The following RNGTT variants were observed in gnomAD, a reference collection of about 807,000 sequenced individuals.
RNGTT encodes the protein mRNA-capping enzyme.
A neutral mutation model predicts 79.3 loss-of-function variants in RNGTT; 33 were observed. The observed-to-expected ratio is 0.42, with a 90% CI of 0.32 to 0.56. The LOEUF (loss-of-function observed/expected upper bound fraction) is 0.56, where lower values mean the gene tolerates loss of function less well. Ranked by LOEUF, RNGTT falls within the 20% of genes least tolerant of loss-of-function variation. The pLI is 0.17. For synonymous variants in RNGTT, 222 were observed against 235.9 expected, an observed-to-expected ratio of 0.94 and a Z score of 0.54; for missense variants, 497 against 739.1, an observed-to-expected ratio of 0.67 and a Z score of 3.80.
At chr6:88,764,708 T>G (rs565972180) in intron 13 of RNGTT, among the ~76,000 whole-genome samples, 1 of 152,284 alleles carries the variant, frequency 6.6e-6, no homozygotes, top group Non-Finnish European at 1.5e-5. Context: ...AGAATACAAC[T>G]ATGTAGAAGA....
intron 11 of RNGTT, among the ~76,000 whole-genome samples, chr6:88,829,984 A>C (rs1435735711): frequency 6.6e-6 from 1 of 152,194 alleles, no homozygotes; most frequent in African/African-American, 2.4e-5. Flanking sequence ...CAGATCAACG[A>C]GACAGGAAAT....
chr6:88,884,607 T>C (rs1582581434), intron 8 of RNGTT, among the ~76,000 whole-genome samples: 1 of 152,302 alleles, frequency 6.6e-6, no homozygotes, highest in East Asian at 1.9e-4. Flanking sequence ...GAGCATACTC[T>C]GAATCATAGT....
chr6:88,815,023 A>C (rs1285546543), intron 11 of RNGTT, among the ~76,000 whole-genome samples: 1 of 152,206 alleles, frequency 6.6e-6, no homozygotes, highest in Non-Finnish European at 1.5e-5. Flanking sequence ...CCTTGATAAG[A>C]GTACCTGGAG....
intron 14 of RNGTT, among the ~76,000 whole-genome samples, chr6:88,660,929 C>A (rs1774159446): frequency 6.6e-6 from 1 of 152,150 alleles, no homozygotes; most frequent in African/African-American, 2.4e-5. Context: ...CAAAACAAGT[C>A]TCAATAAATT....
At chr6:88,694,973 A>T (rs1007318933) in intron 13 of RNGTT, among the ~76,000 whole-genome samples, 1 of 152,130 alleles carries the variant, frequency 6.6e-6, no homozygotes, top group Non-Finnish European at 1.5e-5. Context: ...ATTTGTGTTC[A>T]TTATAAATTG....
intron 4 of RNGTT, among the ~76,000 whole-genome samples, chr6:88,917,001 C>T (rs1352192454): frequency 6.6e-6 from 1 of 152,128 alleles, no homozygotes; most frequent in East Asian, 1.9e-4. Context: ...GTTTATAAGC[C>T]CTGGCCTTGG....
intron 6 of RNGTT, among the ~76,000 whole-genome samples, chr6:88,904,389 C>A (rs1297773548): frequency 6.6e-6 from 1 of 151,978 alleles, no homozygotes; most frequent in Admixed American, 6.6e-5. Flanking sequence ...GACTGGTCAA[C>A]AAAGTGAGAA....
At chr6:88,909,850 C>G (rs1180977122) in intron 4 of RNGTT, among the ~76,000 whole-genome samples, 1 of 152,056 alleles carries the variant, frequency 6.6e-6, no homozygotes, top group Admixed American at 6.5e-5. Context: ...TCATAGAAAC[C>G]TATCTACAAC....
intron 6 of RNGTT, among the ~76,000 whole-genome samples, chr6:88,899,467 G>A (rs1041647603): frequency 1.3e-5 from 2 of 151,886 alleles, no homozygotes; most frequent in Non-Finnish European, 2.9e-5. Flanking sequence ...TTGTAGATAC[G>A]AGGTCTCACT....
intron 13 of RNGTT, among the ~76,000 whole-genome samples, chr6:88,696,370 G>C (rs1010026877): frequency 5.3e-5 from 8 of 152,070 alleles, no homozygotes; most frequent in Non-Finnish European, 1.2e-4. Context: ...TAAGTAAATA[G>C]TTGAAAAGTG....
chr6:88,941,616 T>C (rs1252991882), intron 1 of RNGTT, among the ~76,000 whole-genome samples: 3 of 151,766 alleles, frequency 2.0e-5, no homozygotes, highest in Non-Finnish European at 4.4e-5. Flanking sequence ...CAAGTGTTCA[T>C]AAAGTACTCT....
intron 13 of RNGTT, among the ~76,000 whole-genome samples, chr6:88,718,549 A>G (rs1776601140): frequency 6.6e-6 from 1 of 152,180 alleles, no homozygotes; most frequent in Non-Finnish European, 1.5e-5. Flanking sequence ...ATTCAAGCCT[A>G]TGATTTGCCC....
chr6:88,801,867 A>T (rs762621767), intron 11 of RNGTT, among the ~76,000 whole-genome samples: 1 of 151,012 alleles, frequency 6.6e-6, no homozygotes, highest in Non-Finnish European at 1.5e-5. Context: ...ACAAATTTCC[A>T]TTCCTTGGCA....
intron 4 of RNGTT, among the ~76,000 whole-genome samples, chr6:88,909,682 CCT>C (rs1215165358): frequency 6.6e-6 from 1 of 152,184 alleles, no homozygotes; most frequent in Non-Finnish European, 1.5e-5. Flanking sequence ...TACCCTGCGT[CCT>C]CTCTCCAGAG....
chr6:88,641,091 A>T (rs1773298739), intron 14 of RNGTT, among the ~76,000 whole-genome samples: 1 of 152,150 alleles, frequency 6.6e-6, no homozygotes, highest in African/African-American at 2.4e-5. Flanking sequence ...CTGTAATCCC[A>T]GTACTTTGGG....
At chr6:88,774,551 A>T (rs940414447) in intron 12 of RNGTT, among the ~76,000 whole-genome samples, 2 of 152,206 alleles carry the variant, frequency 1.3e-5, no homozygotes, top group African/African-American at 4.8e-5. Context: ...CTTCACAAAA[A>T]TTAAAAGGTA....
intron 13 of RNGTT, among the ~76,000 whole-genome samples, chr6:88,763,454 T>G (rs560873356): frequency 6.6e-6 from 1 of 152,322 alleles, no homozygotes; most frequent in South Asian, 2.1e-4. Context: ...TGAGGAACTA[T>G]GTAACTGTTT....
At chr6:88,793,113 T>C (rs972859487) in intron 12 of RNGTT, among the ~76,000 whole-genome samples, 9 of 152,146 alleles carry the variant, frequency 5.9e-5, no homozygotes, top group Non-Finnish European at 1.3e-4. Flanking sequence ...AAAAATATGA[T>C]GAAAGGTACA....
At chr6:88,665,427 CT>C (rs1774363408) in intron 14 of RNGTT, among the ~76,000 whole-genome samples, 2 of 152,160 alleles carry the variant, frequency 1.3e-5, no homozygotes, top group African/African-American at 2.4e-5. Flanking sequence ...GAACACCCCC[CT>C]CCTACCTGTT....
Sources: allele counts gnomAD v4.1 joint callset (sites outside exome capture counted in the v4.1 genomes callset), GRCh38; gene constraint gnomAD v4.1.1; transcripts MANE v1.5; gene names NCBI Gene and HGNC (gene_info 2026-07-23, HGNC 2026-07-21).